Variants in CCPG1 observed in about 807,000 individuals in gnomAD.
CCPG1 encodes the protein cell cycle progression protein 1.
In CCPG1, 46 loss-of-function variants were observed where a neutral mutation model predicts 81.3. The observed-to-expected ratio is 0.57, with a 90% CI of 0.45 to 0.72. The LOEUF is 0.72. Among genes scored for constraint, CCPG1 ranks in the 30% least tolerant of loss-of-function variants. The pLI, the probability that CCPG1 is intolerant of heterozygous loss-of-function variation, is 0.00. For synonymous variants in CCPG1, 330 were observed against 305.2 expected (o/e 1.08, Z -0.85); for missense variants, 902 against 937.6 (o/e 0.96, Z 0.50).
intron 1 of CCPG1, among the ~76,000 whole-genome samples, chr15:55,400,828 T>G (rs935593445): frequency 6.6e-6 from 1 of 152,228 alleles, no homozygotes; most frequent in Non-Finnish European, 1.5e-5. Context: ...GCATCTATAT[T>G]CATATGTTCA....
intron 5 of CCPG1, among the ~76,000 whole-genome samples, chr15:55,373,872 ATATAT>A (rs2056504159): frequency 6.6e-6 from 1 of 152,222 alleles, no homozygotes; most frequent in South Asian, 2.1e-4. Flanking sequence ...ACCCACATTA[ATATAT>A]TCATGTCCTT....
intron 6 of CCPG1, among the ~76,000 whole-genome samples, chr15:55,367,548 A>G (rs2056355726): frequency 6.6e-6 from 1 of 152,058 alleles, no homozygotes; most frequent in Non-Finnish European, 1.5e-5. Flanking sequence ...TCCAAGCTAC[A>G]GATCTTGTCC....
Position 55,406,010 on chromosome 15 carries a change from A to G in CCPG1, c.-10+2211T>C, listed in dbSNP as rs2057211507. On this transcript the variant is annotated intron_variant, in intron 1 of 8. Transcript: ENST00000442196. ...CTCCTGAATAGCTGAGATAACAGGCATCCGCCACCATGCCCAGCTAATTTT... is the reference window on the plus strand; with the variant it reads ...CTCCTGAATAGCTGAGATAACAGGCGTCCGCCACCATGCCCAGCTAATTTT... Among the ~76,000 whole-genome samples, 3 of 152,214 alleles carry G rather than the reference A, an allele frequency of 2.0e-5. No homozygotes were observed. In the South Asian group the frequency reaches 6.2e-4, roughly 32 times the overall value.
chr15:55,364,800 G>A (rs1469609614), intron 7 of CCPG1, among the ~76,000 whole-genome samples: 2 of 151,268 alleles, frequency 1.3e-5, no homozygotes, highest in African/African-American at 4.8e-5. Flanking sequence ...TTGAACCCAG[G>A]AGGTGGAAGT....
chr15:55,407,387 G>T (rs2057256622), intron 1 of CCPG1, among the ~76,000 whole-genome samples: 1 of 152,136 alleles, frequency 6.6e-6, no homozygotes, highest in Non-Finnish European at 1.5e-5. Flanking sequence ...AATCTTAAAA[G>T]ATACGATGCA....
rs780893187 is a variant in CCPG1 at position 55,365,209 on chromosome 15, T to C, written c.807A>G (p.Gln269=). ...KDYLSQCQQE[Q]ESFIDYKSLK... is the part of the protein sequence containing the mutation. ...ATACCTTATAATCTATAAAAGATTC[T>C]TGTTCCTGTTGACACTGGGAAAGAT... Residue 269 remains glutamine (Q), a synonymous_variant, in exon 7 of 9, where the codon CAA becomes CAG. Coordinates refer to ENST00000442196, the MANE Select transcript of CCPG1 (RefSeq NM_001204450.2). 13 of 1,464,722 alleles carry C rather than the reference T, an allele frequency of 8.9e-6. No homozygotes were observed. The highest frequency in any genetic ancestry group is 2.8e-5 in the African/African-American group (2 of 71,094). 90.7% of individuals were successfully genotyped at this position (1,464,722 alleles called of 1,614,324 possible).
chr15:55,378,438 G>T, intron 3 of CCPG1, 62 bp from the exon 4 acceptor site: 1 of 977,790 alleles, frequency 1.0e-6, no homozygotes, highest in Non-Finnish European at 1.6e-6. Context: ...TTGACTTTCT[G>T]CAGCCAACAT....
rs2056514256 is a variant in CCPG1, at chr15:55,374,302, TAAAAAGA to T, written c.455-2265_455-2259del. ...AGGCATAAAGCTATATTATAAAGACTAAAAAGAAAAAAAAGAATTAAAAATACTTAAT... is the reference window on the plus strand; with the variant it reads ...AGGCATAAAGCTATATTATAAAGACTAAAAAAAGAATTAAAAATACTTAAT... On this transcript the variant is annotated intron_variant, in intron 5 of 8. Transcript: ENST00000442196. 2.1e-5 allele frequency: 20 copies of T among 939,896 alleles called. 1 individual carries two copies. In the South Asian group the frequency reaches 2.8e-4, roughly 13 times the overall value. The allele number at this position is 939,896 out of a possible 1,614,324, so 58.2% of individuals were successfully genotyped here.
At chr15:55,393,036 G>A (rs898004854) in intron 1 of CCPG1, among the ~76,000 whole-genome samples, 8 of 152,144 alleles carry the variant, frequency 5.3e-5, no homozygotes, top group East Asian at 1.9e-4. Flanking sequence ...CCCAGGAGGC[G>A]GATGTTGCGG....
At chr15:55,380,530 C>T (rs970274655) in intron 3 of CCPG1, among the ~76,000 whole-genome samples, 3 of 151,590 alleles carry the variant, frequency 2.0e-5, no homozygotes, top group Non-Finnish European at 2.9e-5. Context: ...CTCCTGACCC[C>T]GTAAGCCGCC....
chr15:55,375,828 G>A (rs2056554014), intron 5 of CCPG1, among the ~76,000 whole-genome samples: 1 of 151,870 alleles, frequency 6.6e-6, no homozygotes, highest in African/African-American at 2.4e-5. Flanking sequence ...CCAAGTGGCT[G>A]GGACCACATG....
chr15:55,394,608 G>C (rs1451565820), intron 1 of CCPG1, among the ~76,000 whole-genome samples: 3 of 152,038 alleles, frequency 2.0e-5, no homozygotes, highest in Non-Finnish European at 4.4e-5. Flanking sequence ...TCAGGCCCCA[G>C]TTTAATGCTT....
At chr15:55,398,677 G>T (rs928637406) in intron 1 of CCPG1, among the ~76,000 whole-genome samples, 1 of 151,956 alleles carries the variant, frequency 6.6e-6, no homozygotes, top group Admixed American at 6.6e-5. Context: ...TGCTTTCCGG[G>T]TTCAAGAGAT....
In CCPG1 at chr15:55,407,044, C is replaced by G. The variant is rs1472856182; in HGVS notation, c.-10+1177G>C. On this transcript the variant is annotated intron_variant, in intron 1 of 8. Transcript: ENST00000442196. ...CCTGGCCGACACGTTGAGACCCCCC[C>G]CCCCGCCCCGCCGTCTCTACTAAAA... Among the ~76,000 whole-genome samples, 10 of 135,696 alleles carry G rather than the reference C, an allele frequency of 7.4e-5. 1 individual carries two copies. Among genetic ancestry groups the G allele is most frequent in the East Asian group, 2.1e-4 (1 of 4,810 alleles). 89.0% of individuals were successfully genotyped at this position (135,696 alleles called of 152,430 possible).
At chr15:55,403,502 A>G (rs1313005172) in intron 1 of CCPG1, among the ~76,000 whole-genome samples, 1 of 152,060 alleles carries the variant, frequency 6.6e-6, no homozygotes, top group Non-Finnish European at 1.5e-5. Flanking sequence ...AATTCTATAG[A>G]CCCTTAAAGA....
intron 1 of CCPG1, among the ~76,000 whole-genome samples, chr15:55,393,686 G>A (rs935221330): frequency 1.3e-5 from 2 of 152,140 alleles, no homozygotes; most frequent in Non-Finnish European, 2.9e-5. Flanking sequence ...CTGGAGTACA[G>A]TAGTATGAAC....
At chr15:55,369,319 T>A (rs1056154494) in intron 6 of CCPG1, among the ~76,000 whole-genome samples, 1 of 152,096 alleles carries the variant, frequency 6.6e-6, no homozygotes, top group African/African-American at 2.4e-5. Flanking sequence ...ACAGATCACC[T>A]GAGGTCAGGA....
chr15:55,357,240 A>AAC (rs35785357), intron 8 of CCPG1: 376,375 of 932,854 alleles, frequency 0.4, 82,669 homozygotes, highest in African/African-American at 0.81. Flanking sequence ...ACTATCCAAC[A>AAC]AGATGACCCA....
intron 1 of CCPG1, among the ~76,000 whole-genome samples, chr15:55,406,036 T>C (rs2057211957): frequency 6.6e-6 from 1 of 152,218 alleles, no homozygotes; most frequent in Non-Finnish European, 1.5e-5. Flanking sequence ...AGCTAATTTT[T>C]GTATTTTTAG....
Sources: allele counts gnomAD v4.1 joint callset (sites outside exome capture counted in the v4.1 genomes callset), GRCh38; gene constraint gnomAD v4.1.1; transcripts MANE v1.5; gene names NCBI Gene and HGNC (gene_info 2026-07-23, HGNC 2026-07-21).